Variants in RABEP1 observed in about 807,000 individuals in gnomAD.
RABEP1 encodes rab GTPase-binding effector protein 1.
In RABEP1, 51 loss-of-function variants were observed where a neutral mutation model predicts 123.4. That is an observed-to-expected ratio of 0.41 (90% CI 0.33 to 0.52). RABEP1 has a LOEUF of 0.52. Among genes scored for constraint, RABEP1 ranks in the 20% least tolerant of loss-of-function variants. The pLI, the probability that RABEP1 is intolerant of heterozygous loss-of-function variation, is 0.16. For synonymous variants in RABEP1, 347 were observed against 355.2 expected (o/e 0.98, Z 0.26); for missense variants, 888 against 996.3 (o/e 0.89, Z 1.46).
intron 11 of RABEP1, among the ~76,000 whole-genome samples, chr17:5,367,012 C>T (rs1304769801): frequency 6.6e-6 from 1 of 150,822 alleles, no homozygotes; most frequent in African/African-American, 2.4e-5. Context: ...TCGCTTGAAC[C>T]CGGGAGGCGG....
chr17:5,372,808 C>T (rs999371037), intron 12 of RABEP1, among the ~76,000 whole-genome samples: 4 of 151,076 alleles, frequency 2.6e-5, no homozygotes, highest in South Asian at 2.1e-4. Flanking sequence ...CCAGGATGGG[C>T]GCAACGGTGC....
At position 5,383,262 on chromosome 17, in the gene RABEP1, T is replaced by C; in HGVS notation, c.*39T>C. ...GGATTCTAGCCTGCACTTTGGGTTT[T>C]TAACTCATCTTTAGAGCAACAGTAA... On this transcript the variant is annotated 3_prime_UTR_variant, in exon 18 of 18. Transcript: ENST00000537505. The C allele has an allele frequency of 6.7e-7, 1 of 1,487,264 alleles. No homozygotes were observed. Among genetic ancestry groups the C allele is most frequent in the Non-Finnish European group, 9.4e-7 (1 of 1,064,984 alleles). 92.1% of individuals were successfully genotyped at this position (1,487,264 alleles called of 1,614,324 possible).
chr17:5,336,414 C>G (rs886868487), intron 4 of RABEP1: 5 of 457,808 alleles, frequency 1.1e-5, no homozygotes, highest in African/African-American at 8.1e-5. Context: ...TCAATTTATT[C>G]TTATTAACTG....
In RABEP1 at chr17:5,383,235, C is replaced by G. The variant is rs1286215238; in HGVS notation, c.*12C>G. 1 of 1,607,848 alleles carries G rather than the reference C, an allele frequency of 6.2e-7. No individual in the cohort carries two copies. The highest frequency in any genetic ancestry group is 1.3e-5 in the African/African-American group (1 of 74,760). On this transcript the variant is annotated 3_prime_UTR_variant, in exon 18 of 18. Coordinates refer to ENST00000537505, the MANE Select transcript of RABEP1 (RefSeq NM_004703.6). The stretch of plus-strand genomic sequence containing the variant: ...TTCCTGAGACATGACACCCTCATGG[C>G]AGGATTCTAGCCTGCACTTTGGGTT...
chr17:5,369,601 A>G (rs112741737), intron 12 of RABEP1, among the ~76,000 whole-genome samples: 26 of 152,314 alleles, frequency 1.7e-4, no homozygotes, highest in African/African-American at 4.6e-4. Context: ...AGAAAATACA[A>G]TATAACACTG....
At chr17:5,356,973 G>A (rs754936277) in intron 8 of RABEP1, among the ~76,000 whole-genome samples, 58 of 152,208 alleles carry the variant, frequency 3.8e-4, no homozygotes, top group Non-Finnish European at 4.3e-4. Flanking sequence ...TGCCTCCCAG[G>A]TTCAAGCGAT....
rs770453847 is a variant in RABEP1 at position 5,383,118 on chromosome 17, C to G, written c.2488-4C>G. ...CTGTAGTTATCTCACCATTGTTTCT[C>G]CAGGTGCAGTTAGAGCGGATCCGGC... On this transcript the variant is annotated splice_region_variant and splice_polypyrimidine_tract_variant and intron_variant, in intron 17 of 17. Coordinates refer to ENST00000537505, the MANE Select transcript of RABEP1 (RefSeq NM_004703.6). 1 of 1,613,212 alleles carries G rather than the reference C, an allele frequency of 6.2e-7. No homozygotes were observed. The highest frequency in any genetic ancestry group is 8.5e-7 in the Non-Finnish European group (1 of 1,179,294).
chr17:5,322,361 GAAAAA>G (rs890384926), intron 2 of RABEP1, among the ~76,000 whole-genome samples: 1 of 150,264 alleles, frequency 6.7e-6, no homozygotes, highest in Non-Finnish European at 1.5e-5. Context: ...TGTCTCAAAA[GAAAAA>G]AAAGAAAAGA....
chr17:5,339,783 AC>A (rs1907423716), intron 5 of RABEP1, among the ~76,000 whole-genome samples: 1 of 152,148 alleles, frequency 6.6e-6, no homozygotes, highest in Non-Finnish European at 1.5e-5. Context: ...AGCCTGGGCG[AC>A]AGAGTGAGAC....
intron 14 of RABEP1, among the ~76,000 whole-genome samples, chr17:5,377,519 A>ATT (rs1567554740): frequency 1.0e-5 from 1 of 98,768 alleles, no homozygotes; most frequent in Non-Finnish European, 2.0e-5. Context: ...TTATTTAAAA[A>ATT]ATTTTTTTTT....
intron 6 of RABEP1, among the ~76,000 whole-genome samples, chr17:5,347,266 C>T (rs544012349): frequency 6.6e-6 from 1 of 152,188 alleles, no homozygotes; most frequent in African/African-American, 2.4e-5. Context: ...AAAAATTATC[C>T]AGGTGTGGTG....
intron 2 of RABEP1, among the ~76,000 whole-genome samples, chr17:5,315,376 A>G (rs77745571): frequency 2.0e-3 from 307 of 152,356 alleles, no homozygotes; most frequent in African/African-American, 6.8e-3. Flanking sequence ...AGAGGGAAAT[A>G]TGAAAGAATA....
chr17:5,319,558 G>T (rs1406039144), intron 2 of RABEP1, among the ~76,000 whole-genome samples: 1 of 151,668 alleles, frequency 6.6e-6, no homozygotes, highest in African/African-American at 2.4e-5. Context: ...GTAGAGATGG[G>T]GTTTCACCAT....
At chr17:5,324,962 G>C (rs1905824626) in intron 2 of RABEP1, among the ~76,000 whole-genome samples, 1 of 152,126 alleles carries the variant, frequency 6.6e-6, no homozygotes, top group South Asian at 2.1e-4. Context: ...TTCCTCAAAA[G>C]ACTAAAATAA....
rs1428894228 is a variant in RABEP1 at position 5,385,617 on chromosome 17, T to A, written c.*2394T>A. Reference sequence around the variant, plus strand: ...CTCATGTCCACTCAGTAACAAGTATTGGGACGTAGAGCACAGCCTCACTCA... The same window carrying A: ...CTCATGTCCACTCAGTAACAAGTATAGGGACGTAGAGCACAGCCTCACTCA... On this transcript the variant is annotated 3_prime_UTR_variant, in exon 18 of 18. Coordinates refer to ENST00000537505, the MANE Select transcript of RABEP1 (RefSeq NM_004703.6). 1 of 230,964 alleles carries A rather than the reference T, an allele frequency of 4.3e-6. No individual in the cohort carries two copies. Among genetic ancestry groups the A allele is most frequent in the Non-Finnish European group, 8.6e-6 (1 of 116,744 alleles). 14.3% of individuals were successfully genotyped at this position (230,964 alleles called of 1,614,324 possible).
intron 10 of RABEP1, 119 bp from the exon 11 acceptor site, chr17:5,365,003 G>T (rs1168135605): frequency 1.6e-6 from 1 of 637,406 alleles, no homozygotes; most frequent in African/African-American, 1.9e-5. Flanking sequence ...TAGAAAATCT[G>T]TGGTGTTTCC....
chr17:5,328,669 AAAG>A (rs1906207189), intron 2 of RABEP1, among the ~76,000 whole-genome samples: 1 of 142,844 alleles, frequency 7.0e-6, no homozygotes, highest in Admixed American at 7.1e-5. Context: ...AAAAAAAAAA[AAAG>A]CCGGGCGCAG....
At chr17:5,343,670 C>CTTTTTTTTTTTTTTTTTTTTT (rs753410845) in intron 5 of RABEP1, among the ~76,000 whole-genome samples, 1 of 99,952 alleles carries the variant, frequency 1.0e-5, no homozygotes, top group African/African-American at 3.9e-5. Context: ...TTTCTTTTCT[C>CTTTTTTTTTTTTTTTTTTTTT]TTTTTTTTTT....
intron 1 of RABEP1, among the ~76,000 whole-genome samples, chr17:5,308,212 A>G (rs2075198879): frequency 6.8e-6 from 1 of 147,608 alleles, no homozygotes; most frequent in African/African-American, 2.5e-5. Flanking sequence ...TTGTGTATTA[A>G]GTCTAATACA....
Sources: gnomAD v4.1 joint callset for allele counts (sites outside exome capture counted in the v4.1 genomes callset) on GRCh38, gnomAD v4.1.1 for gene constraint, MANE v1.5 for transcripts, NCBI Gene and HGNC (gene_info 2026-07-23, HGNC 2026-07-21) for gene names.